NALCN: variants seen among roughly 807,000 people sequenced by gnomAD.
NALCN encodes sodium leak channel NALCN.
In NALCN, 111 loss-of-function variants were observed where a neutral mutation model predicts 225.3. The observed-to-expected ratio is 0.49, with a 90% CI of 0.42 to 0.58. NALCN has a LOEUF of 0.58. NALCN is among the 20% of genes least tolerant of loss of function. The pLI, the probability that NALCN is intolerant of heterozygous loss-of-function variation, is 0.00. For missense variants in NALCN, 1,378 were observed against 2,202.4 expected, an observed-to-expected ratio of 0.63 and a Z score of 7.49; for synonymous variants, 764 against 769.0, an observed-to-expected ratio of 0.99 and a Z score of 0.11.
chr13:101,331,684 C>A (rs935903140), intron 7 of NALCN, among the ~76,000 whole-genome samples: 1 of 152,078 alleles, frequency 6.6e-6, no homozygotes. Context: ...AAAGAACAAA[C>A]ACAAAAAACT....
intron 3 of NALCN, 101 bp from the exon 4 acceptor site, chr13:101,378,754 C>G (rs1216139660): frequency 2.1e-6 from 2 of 975,012 alleles, no homozygotes; most frequent in South Asian, 3.6e-5. Context: ...AAGCTATCTA[C>G]AATTTTTGTA....
At chr13:101,413,988 C>T (rs567332586) in intron 1 of NALCN, among the ~76,000 whole-genome samples, 17 of 152,080 alleles carry the variant, frequency 1.1e-4, no homozygotes, top group South Asian at 4.2e-4. Flanking sequence ...TGGGCTCACG[C>T]GATCCTTCCA....
At position 101,104,770 on chromosome 13, in the gene NALCN, C is replaced by T; in HGVS notation, c.2637-120G>A. ...CTGGTATTTTAAAAACATCATTCCC[C>T]AATCATCTATTTCATAGCACTATAT... is the stretch of plus-strand genomic sequence containing the variant. On this transcript the variant is annotated intron_variant, in intron 23 of 43. Transcript: ENST00000251127. This position sits in a 1 kb window ranked among gnomAD's most constrained non-coding sequence, Gnocchi z 4.2. The T allele has an allele frequency of 1.9e-6, 3 of 1,548,440 alleles. No individual in the cohort carries two copies. Among genetic ancestry groups the T allele is most frequent in the Non-Finnish European group, 2.7e-6 (3 of 1,131,140 alleles).
chr13:101,112,332 TAA>T (rs1193860691), intron 18 of NALCN, among the ~76,000 whole-genome samples: 1 of 152,180 alleles, frequency 6.6e-6, no homozygotes, highest in Non-Finnish European at 1.5e-5. Flanking sequence ...TTTTGGACAA[TAA>T]CTGGACTTGT....
rs530488167 is a variant in NALCN at position 101,139,456 on chromosome 13, T to C, written c.2118+3624A>G. 5.3e-5 allele frequency among the ~76,000 whole-genome samples: 8 copies of C among 152,338 alleles called. No homozygotes were observed. In the East Asian group the frequency reaches 9.6e-4, roughly 18 times the overall value. ...GTCAGAAGTTTCTCCTGGTACAAGA[T>C]AACCATTAAGAGAACAGTTTTATTT... On this transcript the variant is annotated intron_variant, in intron 17 of 43. Transcript: ENST00000251127.
chr13:101,056,230 T>C lies in NALCN; in HGVS notation c.5024-742A>G, dbSNP rs1310902874. Among the ~76,000 whole-genome samples the C allele has an allele frequency of 2.1e-5, 3 of 145,198 alleles. No individual in the cohort carries two copies. In the Admixed American group the frequency reaches 2.1e-4, roughly 10 times the overall value. On this transcript the variant is annotated intron_variant, in intron 43 of 43. Transcript: ENST00000251127. ...GTTTTTGGTGGGGACCACCTAGGCA[T>C]GGACCAGTGGAAGTACTTTTTTTTT...
At position 101,263,150 on chromosome 13, in the gene NALCN, C is replaced by G. The variant is rs536642574; in HGVS notation, c.1135-4576G>C. ...ATGCCAGTGACATCGGGAAAGTAGA[C>G]TTTTATTAAGGCTTCCTGTCACCGT... On this transcript the variant is annotated intron_variant, in intron 10 of 43. Coordinates refer to ENST00000251127, the MANE Select transcript of NALCN (RefSeq NM_052867.4). Among the ~76,000 whole-genome samples the G allele has an allele frequency of 7.4e-4, 112 of 152,286 alleles. 2 individuals are homozygous for G. The highest frequency in any genetic ancestry group is 2.6e-3 in the African/African-American group (106 of 41,566).
intron 34 of NALCN, among the ~76,000 whole-genome samples, chr13:101,078,190 G>A (rs1157565853): frequency 1.3e-5 from 2 of 152,164 alleles, no homozygotes; most frequent in African/African-American, 4.8e-5. Context: ...CCTCTGCTGG[G>A]GCAGTGCGGA....
Position 101,301,036 on chromosome 13 carries a change from TAA to T in NALCN, c.800-8672_800-8671del, listed in dbSNP as rs754479615. 1.2e-4 allele frequency among the ~76,000 whole-genome samples: 18 copies of T among 152,364 alleles called. No individual in the cohort carries two copies. The East Asian group carries it at 2.7e-3, about 23-fold the overall frequency. ...TTCTAAGTTAATTTTTTATAAGTAA[TAA>T]AGAATCATAGTTGAAATATGTTTCC... On this transcript the variant is annotated intron_variant, in intron 7 of 43. Transcript: ENST00000251127.
At position 101,300,246 on chromosome 13, in the gene NALCN, G is replaced by A. The variant is rs61356298; in HGVS notation, c.800-7880C>T. On this transcript the variant is annotated intron_variant, in intron 7 of 43. Coordinates refer to ENST00000251127, the MANE Select transcript of NALCN (RefSeq NM_052867.4). ...CTTGGGAGGATGTTACCATCCTAGT[G>A]AATAAAACCTCTGTAAACCATGTTT... Among the ~76,000 whole-genome samples the A allele has an allele frequency of 4.5e-3, 689 of 152,198 alleles. 3 individuals are homozygous for A. The highest frequency in any genetic ancestry group is 0.016 in the African/African-American group (662 of 41,536).
At chr13:101,147,671 C>T (rs902268163) in intron 15 of NALCN, among the ~76,000 whole-genome samples, 6 of 152,110 alleles carry the variant, frequency 3.9e-5, no homozygotes, top group Admixed American at 6.6e-5. Flanking sequence ...CCTGAGTAGC[C>T]GGGACTACAG....
chr13:101,179,071 T>C (rs967097830), intron 14 of NALCN, among the ~76,000 whole-genome samples: 1 of 152,178 alleles, frequency 6.6e-6, no homozygotes, highest in Admixed American at 6.5e-5. Flanking sequence ...TTGACTGGAC[T>C]CCATGGATGT....
intron 35 of NALCN, among the ~76,000 whole-genome samples, chr13:101,075,164 G>A (rs1300758530): frequency 1.3e-5 from 2 of 152,014 alleles, no homozygotes; most frequent in East Asian, 3.8e-4. Flanking sequence ...AATAACGTTT[G>A]TAATAAAAAA....
Position 101,104,559 on chromosome 13 carries a change from G to A in NALCN, c.2728C>T (p.Arg910Ter), listed in dbSNP as rs749065348. The A allele has an allele frequency of 9.3e-6, 15 of 1,613,986 alleles. No individual in the cohort carries two copies. Among genetic ancestry groups the A allele is most frequent in the South Asian group, 2.2e-5 (2 of 91,090 alleles). Reference protein sequence around the residue: ...CISMMFESPFRRVMHAPTLQI... With the variant: ...CISMMFESPF ...AAAGTAGGTGCATGCATGACTCTTC[G>A]AAACGGGGACTCAAACATCATGGAA... The change falls in exon 24 of 44, where the codon CGA (arginine) becomes TGA (stop). Residue 910 changes from arginine to a stop codon, truncating the protein, a stop_gained. Coordinates refer to ENST00000251127, the MANE Select transcript of NALCN (RefSeq NM_052867.4). LOFTEE classifies it high-confidence loss of function. This position sits in a 1 kb window ranked among gnomAD's most constrained non-coding sequence, Gnocchi z 4.2.
At chr13:101,214,060 T>C (rs1433290244) in intron 13 of NALCN, among the ~76,000 whole-genome samples, 2 of 152,176 alleles carry the variant, frequency 1.3e-5, no homozygotes, top group East Asian at 1.9e-4. Flanking sequence ...CCAACAATGA[T>C]AGACTGGATT....
At chr13:101,415,208 C>CACACATATATATATAT (rs1555349509) in intron 1 of NALCN, among the ~76,000 whole-genome samples, 2 of 107,826 alleles carry the variant, frequency 1.9e-5, no homozygotes, top group African/African-American at 1.1e-4. Context: ...AAATCACACA[C>CACACATATATATATAT]ATATATATAT....
intron 27 of NALCN, among the ~76,000 whole-genome samples, chr13:101,099,309 A>T (rs1024273861): frequency 2.0e-5 from 3 of 152,072 alleles, no homozygotes; most frequent in Admixed American, 2.0e-4. Context: ...TGTCTCTCCC[A>T]GTCTGGCCTT....
chr13:101,089,629 T>C lies in NALCN; in HGVS notation c.3489+34A>G, dbSNP rs1566800734. ...CTCAAAGTGAGTGGCTAGAAAAGGC[T>C]AAACCCTGTGGTATCCAAACCAAAA... is the stretch of plus-strand genomic sequence containing the variant. On this transcript the variant is annotated intron_variant, in intron 30 of 43. Coordinates refer to ENST00000251127, the MANE Select transcript of NALCN (RefSeq NM_052867.4). This position sits in a 1 kb window ranked among gnomAD's most constrained non-coding sequence, Gnocchi z 4.7. 1.3e-6 allele frequency: 2 copies of C among 1,598,804 alleles called. No individual in the cohort carries two copies. The highest frequency in any genetic ancestry group is 8.6e-7 in the Non-Finnish European group (1 of 1,168,580).
chr13:101,219,566 T>C (rs2040860553), intron 13 of NALCN, among the ~76,000 whole-genome samples: 1 of 152,136 alleles, frequency 6.6e-6, no homozygotes, highest in African/African-American at 2.4e-5. Context: ...AGGTGCTGGT[T>C]TGGGATCCTG....
Sources: gnomAD v4.1 joint callset for allele counts (sites outside exome capture counted in the v4.1 genomes callset) on GRCh38, gnomAD v4.1.1 for gene constraint, Gnocchi (gnomAD v3.1) non-coding constraint, MANE v1.5 for transcripts, NCBI Gene and HGNC (gene_info 2026-07-23, HGNC 2026-07-21) for gene names.